The following FAM167A variants were observed in gnomAD, a reference collection of about 807,000 sequenced individuals.
The protein encoded by FAM167A is family with sequence similarity 167 member A, also known as protein FAM167A.
Under a neutral mutation model 14.9 loss-of-function variants are expected in FAM167A, and 23 were observed. The observed-to-expected ratio is 1.55, with a 90% CI of 1.11 to 2.19. The LOEUF is 2.19. FAM167A is among the 30% of genes most tolerant of loss of function. The pLI is 0.00. For missense variants in FAM167A, 401 were observed against 281.5 expected, an observed-to-expected ratio of 1.42 and a Z score of -3.04; for synonymous variants, 174 against 117.7, an observed-to-expected ratio of 1.48 and a Z score of -3.10.
intron 1 of FAM167A, among the ~76,000 whole-genome samples, chr8:11,473,309 G>A (rs1220077960): frequency 6.6e-6 from 1 of 152,132 alleles, no homozygotes; most frequent in Non-Finnish European, 1.5e-5. Flanking sequence ...TTGCATACAG[G>A]GATGATCATT....
chr8:11,447,131 A>G (rs956418877), intron 1 of FAM167A, among the ~76,000 whole-genome samples: 7 of 152,148 alleles, frequency 4.6e-5, no homozygotes, highest in Non-Finnish European at 8.8e-5. Context: ...GGAAACTGCT[A>G]CAAGTCTGTA....
chr8:11,455,668 G>T (rs1807224050), intron 1 of FAM167A, among the ~76,000 whole-genome samples: 1 of 144,432 alleles, frequency 6.9e-6, no homozygotes, highest in African/African-American at 2.6e-5. Context: ...GCCTTGCTGT[G>T]TGTGAATGTG....
chr8:11,444,702 G>A lies in FAM167A; in HGVS notation c.-291C>T. 1.7e-6 allele frequency: 2 copies of A among 1,199,024 alleles called. No individual in the cohort carries two copies. Among genetic ancestry groups the A allele is most frequent in the Non-Finnish European group, 2.1e-6 (2 of 963,564 alleles). The allele number at this position is 1,199,024 out of a possible 1,614,324, so 74.3% of individuals were successfully genotyped here. Reference sequence around the variant, plus strand: ...ACAGACAGCGTCGCAGGAATCTCGGGGCAGCCTGTGCCAAGGTCTATCTGT... The same window carrying A: ...ACAGACAGCGTCGCAGGAATCTCGGAGCAGCCTGTGCCAAGGTCTATCTGT... On this transcript the variant is annotated 5_prime_UTR_variant, in exon 2 of 3. Transcript: ENST00000284486.
chr8:11,463,574 C>T (rs1327955887), intron 1 of FAM167A, among the ~76,000 whole-genome samples: 8 of 152,222 alleles, frequency 5.3e-5, no homozygotes, highest in Non-Finnish European at 1.0e-4. Flanking sequence ...TGCCTAGGCT[C>T]TTTCCATACC....
intron 1 of FAM167A, among the ~76,000 whole-genome samples, chr8:11,473,028 C>G (rs1328612044): frequency 2.0e-5 from 3 of 152,234 alleles, no homozygotes; most frequent in Non-Finnish European, 4.4e-5. Flanking sequence ...GGCGGCACCC[C>G]CATCCTGGGG....
intron 2 of FAM167A, among the ~76,000 whole-genome samples, chr8:11,436,490 G>T (rs1419357523): frequency 3.3e-5 from 5 of 152,190 alleles, no homozygotes; most frequent in Non-Finnish European, 7.4e-5. Flanking sequence ...CGGCCATGCT[G>T]CTGGGGGTCT....
chr8:11,444,858 C>CA (rs1458988215), intron 1 of FAM167A, 50 bp from the exon 2 acceptor site: 2 of 987,836 alleles, frequency 2.0e-6, no homozygotes, highest in East Asian at 2.2e-4. Flanking sequence ...CCCTGCCACT[C>CA]AGAGGCGGGC....
chr8:11,442,307 C>T (rs1369604023), intron 2 of FAM167A, among the ~76,000 whole-genome samples: 1 of 152,122 alleles, frequency 6.6e-6, no homozygotes, highest in Non-Finnish European at 1.5e-5. Context: ...TTAAAAACCA[C>T]ACGTGTGGTT....
chr8:11,469,921 T>TAAATAAATAAAA (rs560781541), upstream of FAM167A, among the ~76,000 whole-genome samples: 1,081 of 145,006 alleles, frequency 7.5e-3, 5 homozygotes, highest in Middle Eastern at 0.014. Context: ...AATAAATAAA[T>TAAATAAATAAAA]AAAAGATTTA....
At chr8:11,431,045 A>T (rs568147447) in intron 2 of FAM167A, among the ~76,000 whole-genome samples, 1 of 152,348 alleles carries the variant, frequency 6.6e-6, no homozygotes, top group Non-Finnish European at 1.5e-5. Context: ...TGACATGGCA[A>T]TGCCACTCCA....
chr8:11,436,439 A>G (rs1456281013), intron 2 of FAM167A, among the ~76,000 whole-genome samples: 1 of 152,136 alleles, frequency 6.6e-6, no homozygotes, highest in African/African-American at 2.4e-5. Flanking sequence ...GGCCCCCGGC[A>G]AGACCTGCAG....
chr8:11,431,292 A>G (rs988941713), intron 2 of FAM167A, among the ~76,000 whole-genome samples: 1 of 152,266 alleles, frequency 6.6e-6, no homozygotes, highest in Non-Finnish European at 1.5e-5. Flanking sequence ...GCCAGACACT[A>G]AAGGCCAAAT....
chr8:11,437,408 C>T (rs747852408), intron 2 of FAM167A, among the ~76,000 whole-genome samples: 8 of 152,226 alleles, frequency 5.3e-5, no homozygotes, highest in Non-Finnish European at 1.0e-4. Context: ...ACTCATTCCC[C>T]TCCTCCCTGC....
At chr8:11,464,239 G>A (rs1807661095) in intron 1 of FAM167A, among the ~76,000 whole-genome samples, 1 of 152,132 alleles carries the variant, frequency 6.6e-6, no homozygotes, top group African/African-American at 2.4e-5. Context: ...GAGAGAAGTG[G>A]TAGGGGTCAG....
chr8:11,428,160 T>C (rs1805316155), intron 2 of FAM167A, among the ~76,000 whole-genome samples: 2 of 152,210 alleles, frequency 1.3e-5, no homozygotes, highest in Admixed American at 1.3e-4. Context: ...ATCTTTGGTG[T>C]GAAAAGATCC....
chr8:11,467,916 G>A (rs1182256663), upstream of FAM167A, among the ~76,000 whole-genome samples: 2 of 152,352 alleles, frequency 1.3e-5, no homozygotes, highest in African/African-American at 2.4e-5. Context: ...CTAAGCTAGC[G>A]GGTGTATTAA....
chr8:11,426,114 T>C (rs1268942275), intron 2 of FAM167A, among the ~76,000 whole-genome samples: 1 of 152,254 alleles, frequency 6.6e-6, no homozygotes, highest in South Asian at 2.1e-4. Context: ...AGCATTTCTT[T>C]CTACTGACTT....
intron 1 of FAM167A, chr8:11,445,409 C>T: frequency 1.0e-6 from 1 of 985,196 alleles, no homozygotes; most frequent in Non-Finnish European, 1.2e-6. Context: ...CCTCCAAGAA[C>T]AACACCTTAC....
chr8:11,450,269 C>G (rs780046870), intron 1 of FAM167A, among the ~76,000 whole-genome samples: 4 of 152,168 alleles, frequency 2.6e-5, no homozygotes, highest in Non-Finnish European at 5.9e-5. Flanking sequence ...CCAGGACAAC[C>G]CGAGCACATC....
Sources: gnomAD v4.1 joint callset for allele counts (sites outside exome capture counted in the v4.1 genomes callset) on GRCh38, gnomAD v4.1.1 for gene constraint, MANE v1.5 for transcripts, NCBI Gene and HGNC (gene_info 2026-07-23, HGNC 2026-07-21) for gene names.